Variants in TRIO observed in about 807,000 individuals in gnomAD.
TRIO encodes the protein triple functional domain protein.
In TRIO, 58 loss-of-function variants were observed where a neutral mutation model predicts 351.9. The ratio of observed to expected loss-of-function variants is 0.16; its 90% CI spans 0.13 to 0.21. The LOEUF (loss-of-function observed/expected upper bound fraction) is 0.21, where lower values mean the gene tolerates loss of function less well. Ranked by LOEUF, TRIO falls within the 10% of genes least tolerant of loss-of-function variation. The probability of loss-of-function intolerance (pLI) is 1.00; values close to 1 mark genes in which losing one functional copy is unlikely to be tolerated. For missense variants in TRIO, 3,201 were observed against 4,027.8 expected (o/e 0.79, Z 5.56); for synonymous variants, 1,758 against 1,595.7 (o/e 1.10, Z -2.42).
At chr5:14,149,573 G>A (rs1310383182) in intron 1 of TRIO, among the ~76,000 whole-genome samples, 1 of 152,178 alleles carries the variant, frequency 6.6e-6, no homozygotes, top group Non-Finnish European at 1.5e-5. Flanking sequence ...GAGGCTACGA[G>A]CGGGGGGCAG....
Position 14,192,472 on chromosome 5 carries a change from C to CTA in TRIO, c.157+48594_157+48595dup, listed in dbSNP as rs896179704. On this transcript the variant is annotated intron_variant, in intron 1 of 56. Coordinates refer to ENST00000344204, the MANE Select transcript of TRIO (RefSeq NM_007118.4). ...AATTTTTTGTAGAGACAAGGTCTCA[C>CTA]TATATTGCCCAGGTTGGTCTCGAGT... 2.9e-4 allele frequency among the ~76,000 whole-genome samples: 44 copies of CTA among 152,096 alleles called. 1 individual carries two copies.
intron 48 of TRIO, among the ~76,000 whole-genome samples, chr5:14,491,435 C>T (rs26111): frequency 0.11 from 17,354 of 152,210 alleles, 1,103 homozygotes; most frequent in Admixed American, 0.19. Context: ...AGCACAAGTT[C>T]ACGGGAACGA....
At chr5:14,439,755 A>T (rs980306121) in intron 34 of TRIO, among the ~76,000 whole-genome samples, 6 of 152,244 alleles carry the variant, frequency 3.9e-5, no homozygotes, top group Non-Finnish European at 8.8e-5. Flanking sequence ...AGGGAAAAAC[A>T]ACCTTACGCT....
intron 11 of TRIO, among the ~76,000 whole-genome samples, chr5:14,349,638 T>C (rs1742852045): frequency 6.6e-6 from 1 of 152,238 alleles, no homozygotes; most frequent in African/African-American, 2.4e-5. Flanking sequence ...AATCCTGTTT[T>C]CTATCTTTTG....
chr5:14,280,592 C>T (rs1581516774), intron 3 of TRIO, among the ~76,000 whole-genome samples, 156 bp downstream of exon 3: 1 of 152,112 alleles, frequency 6.6e-6, no homozygotes, highest in African/African-American at 2.4e-5. Context: ...ATTTTGTGAC[C>T]ATTATTGTCT....
intron 53 of TRIO, among the ~76,000 whole-genome samples, chr5:14,500,888 C>CAA (rs34729667): frequency 7.9e-3 from 495 of 62,470 alleles, no homozygotes; most frequent in Non-Finnish European, 9.9e-3. Context: ...GACTCTGCCT[C>CAA]AAAAAAAAAA....
intron 1 of TRIO, among the ~76,000 whole-genome samples, chr5:14,224,788 C>G (rs774168039): frequency 6.6e-6 from 1 of 151,654 alleles, no homozygotes; most frequent in Non-Finnish European, 1.5e-5. Flanking sequence ...GAGAGAATAA[C>G]GAAGAACTGA....
intron 10 of TRIO, among the ~76,000 whole-genome samples, chr5:14,331,791 G>A (rs1273901911): frequency 6.6e-6 from 1 of 152,088 alleles, no homozygotes; most frequent in African/African-American, 2.4e-5. Flanking sequence ...CTAATTTGAA[G>A]GTCCTTTCCT....
Position 14,463,320 on chromosome 5 carries a change from A to G in TRIO, c.5667+395A>G, listed in dbSNP as rs139754538. Among the ~76,000 whole-genome samples, 928 of 152,244 alleles carry G rather than the reference A, an allele frequency of 6.1e-3. 11 individuals are homozygous for G. Among genetic ancestry groups the G allele is most frequent in the African/African-American group, 0.021 (855 of 41,532 alleles). On this transcript the variant is annotated intron_variant, in intron 36 of 56. Transcript: ENST00000344204. ...AAGAGTTGGCCATCTCCCCTCTGTG[A>G]GGTTTTTGCATGCAGGTTTCTGGTT...
intron 1 of TRIO, among the ~76,000 whole-genome samples, chr5:14,162,334 T>C (rs990037082): frequency 1.3e-5 from 2 of 152,200 alleles, no homozygotes; most frequent in Admixed American, 1.3e-4. Flanking sequence ...TTGTGTAGTG[T>C]TGAAGGAGAT....
intron 11 of TRIO, 152 bp downstream of exon 11, chr5:14,336,879 C>T (rs543944624): frequency 2.4e-6 from 2 of 823,624 alleles, no homozygotes; most frequent in Non-Finnish European, 1.9e-6. Flanking sequence ...TCTGCGTGGA[C>T]AGGGAAAAGC....
At chr5:14,193,387 T>A (rs934795010) in intron 1 of TRIO, among the ~76,000 whole-genome samples, 11 of 152,368 alleles carry the variant, frequency 7.2e-5, no homozygotes, top group African/African-American at 2.6e-4. Flanking sequence ...TAGTGGAATT[T>A]AATTTTATCT....
chr5:14,294,077 T>C (rs903690841), intron 6 of TRIO, among the ~76,000 whole-genome samples: 2 of 152,014 alleles, frequency 1.3e-5, no homozygotes, highest in Non-Finnish European at 2.9e-5. Context: ...TCCCAGCTAT[T>C]TGGGAGGCTG....
intron 1 of TRIO, among the ~76,000 whole-genome samples, chr5:14,243,066 CTT>C (rs1230049011): frequency 6.6e-6 from 1 of 152,176 alleles, no homozygotes; most frequent in African/African-American, 2.4e-5. Context: ...TGGTTGGAGA[CTT>C]TATCAGGCCC....
intron 11 of TRIO, among the ~76,000 whole-genome samples, chr5:14,340,190 C>G (rs1007425864): frequency 6.6e-6 from 1 of 151,908 alleles, no homozygotes; most frequent in Non-Finnish European, 1.5e-5. Flanking sequence ...GTCAGGAGAT[C>G]GAGACCATCC....
intron 31 of TRIO, among the ~76,000 whole-genome samples, chr5:14,403,880 CAG>C (rs1748455493): frequency 2.6e-5 from 1 of 38,340 alleles, no homozygotes; most frequent in Non-Finnish European, 4.9e-5. Context: ...GGTGAGGGTG[CAG>C]GTGGTGGTGA....
Position 14,369,365 on chromosome 5 carries a change from TG to T in TRIO, c.3067-8del, listed in dbSNP as rs745948610. 67 of 1,594,886 alleles carry T rather than the reference TG, an allele frequency of 4.2e-5. No individual in the cohort carries two copies. In the African/African-American group the frequency reaches 7.9e-4, roughly 19 times the overall value. On this transcript the variant is annotated splice_polypyrimidine_tract_variant and splice_region_variant and intron_variant, in intron 17 of 56. Transcript: ENST00000344204. ...CCAAGTCTGAGCCTCAAACTTTTCC[TG>T]CTCACAGGTCTGCAGCGTCCTCGAG...
chr5:14,293,166 T>C (rs895538732), intron 6 of TRIO, 32 bp downstream of exon 6: 30 of 1,613,452 alleles, frequency 1.9e-5, no homozygotes, highest in Non-Finnish European at 2.4e-5. Flanking sequence ...GACCCTGGCA[T>C]GTGACAGTGT....
At chr5:14,145,544 G>A (rs899682743) in intron 1 of TRIO, among the ~76,000 whole-genome samples, 13 of 149,728 alleles carry the variant, frequency 8.7e-5, no homozygotes, top group Non-Finnish European at 1.8e-4. Flanking sequence ...GAGCAGCCCC[G>A]TCTTACCTCT....
Sources: gnomAD v4.1 joint callset for allele counts (sites outside exome capture counted in the v4.1 genomes callset) on GRCh38, gnomAD v4.1.1 for gene constraint, MANE v1.5 for transcripts, NCBI Gene and HGNC (gene_info 2026-07-23, HGNC 2026-07-21) for gene names.